The following ITGA11 variants were observed in gnomAD, a reference collection of about 807,000 sequenced individuals.
The protein encoded by ITGA11 is integrin alpha-11.
ITGA11 carries 97 observed loss-of-function variants against 141.9 expected under a neutral mutation model. The observed-to-expected ratio is 0.68, with a 90% CI of 0.58 to 0.81. The LOEUF (loss-of-function observed/expected upper bound fraction) is 0.81, where lower values mean the gene tolerates loss of function less well. Among genes scored for constraint, ITGA11 ranks in the 30% least tolerant of loss-of-function variants. ITGA11 has a pLI of 0.00. For synonymous variants in ITGA11, 658 were observed against 624.6 expected (o/e 1.05, Z -0.80); for missense variants, 1,387 against 1,559.2 (o/e 0.89, Z 1.86).
chr15:68,356,236 C>A (rs1441774161), intron 7 of ITGA11, among the ~76,000 whole-genome samples: 1 of 152,172 alleles, frequency 6.6e-6, no homozygotes. Flanking sequence ...GCTGGGACTA[C>A]AAGCGCATGC....
At chr15:68,364,825 G>A (rs372468326) in intron 3 of ITGA11, 27 bp from the exon 4 acceptor site, 39 of 1,600,728 alleles carry the variant, frequency 2.4e-5, no homozygotes, top group Admixed American at 1.7e-5. Context: ...AGTTCAGCTT[G>A]CAGCCCCCTC....
At chr15:68,344,374 A>T (rs1894673999) in intron 10 of ITGA11, among the ~76,000 whole-genome samples, 1 of 152,172 alleles carries the variant, frequency 6.6e-6, no homozygotes, top group Non-Finnish European at 1.5e-5. Flanking sequence ...TTGTTGAATC[A>T]GATACGCAAA....
intron 2 of ITGA11, among the ~76,000 whole-genome samples, chr15:68,374,612 G>T (rs1168477872): frequency 6.6e-6 from 1 of 152,214 alleles, no homozygotes; most frequent in Non-Finnish European, 1.5e-5. Context: ...GGCTGTGTCT[G>T]TTGAGGCAGG....
chr15:68,314,214 A>ACT (rs148226383), intron 22 of ITGA11, among the ~76,000 whole-genome samples: 14,245 of 152,110 alleles, frequency 0.094, 821 homozygotes, highest in African/African-American at 0.17. Context: ...TGCCTGCTGG[A>ACT]CTCAGGGGCT....
At chr15:68,332,269 C>T (rs920532257) in intron 13 of ITGA11, 69 bp downstream of exon 13, 25 of 1,519,312 alleles carry the variant, frequency 1.6e-5, no homozygotes, top group Admixed American at 2.0e-5. Flanking sequence ...GCATTTCCGT[C>T]GTGGCTACCC....
intron 2 of ITGA11, among the ~76,000 whole-genome samples, chr15:68,371,411 A>G (rs891016409): frequency 6.6e-6 from 1 of 152,260 alleles, no homozygotes; most frequent in African/African-American, 2.4e-5. Context: ...AGCATGTTCT[A>G]GATTAGAAAA....
chr15:68,302,054 C>CTGTGTGTG lies in ITGA11; in HGVS notation c.*1004_*1005insCACACACA, dbSNP rs1567118335. The CTGTGTGTG allele has an allele frequency of 2.0e-5, 1 of 51,230 alleles. No individual in the cohort carries two copies. Among genetic ancestry groups the CTGTGTGTG allele is most frequent in the African/African-American group, 7.2e-5 (1 of 13,868 alleles). 3.2% of individuals were successfully genotyped at this position (51,230 alleles called of 1,614,324 possible). A position where few individuals can be genotyped will look rare whatever the true frequency, so the allele number is the denominator to read the frequency against. On this transcript the variant is annotated 3_prime_UTR_variant, in exon 30 of 30. Transcript: ENST00000315757. ...GCGGGCATGAGGGAAGGATGGGAGG[C>CTGTGTGTG]AGTGTGTGTGTGTGTGTGTGTGTGT...
chr15:68,317,483 C>CA (rs1893629376), intron 20 of ITGA11, 120 bp from the exon 21 acceptor site: 1 of 729,546 alleles, frequency 1.4e-6, no homozygotes, highest in African/African-American at 1.7e-5. Context: ...CCCTGATACC[C>CA]ATATGAAAGC....
At chr15:68,427,142 G>A (rs924252709) in intron 1 of ITGA11, among the ~76,000 whole-genome samples, 1 of 151,878 alleles carries the variant, frequency 6.6e-6, no homozygotes, top group East Asian at 1.9e-4. Flanking sequence ...CCTGGAAATG[G>A]CAGAATTGTA....
intron 3 of ITGA11, 30 bp downstream of exon 3, chr15:68,369,154 C>G (rs1895512233): frequency 6.5e-7 from 1 of 1,530,686 alleles, no homozygotes; most frequent in African/African-American, 1.4e-5. Context: ...CCGCTGGCCT[C>G]ATTGTGAAGA....
At chr15:68,370,896 G>A (rs1310825256) in intron 2 of ITGA11, among the ~76,000 whole-genome samples, 10 of 152,178 alleles carry the variant, frequency 6.6e-5, no homozygotes, top group Non-Finnish European at 1.3e-4. Context: ...TGGCACTTAA[G>A]TGGCTTCTTG....
intron 2 of ITGA11, among the ~76,000 whole-genome samples, chr15:68,371,985 G>C (rs1265802441): frequency 6.6e-6 from 1 of 152,148 alleles, no homozygotes; most frequent in Non-Finnish European, 1.5e-5. Flanking sequence ...TACTTCATGA[G>C]GTAGGAGGGC....
chr15:68,413,058 A>G (rs536282723), intron 1 of ITGA11, among the ~76,000 whole-genome samples: 10 of 152,250 alleles, frequency 6.6e-5, no homozygotes, highest in African/African-American at 2.4e-4. Flanking sequence ...TCTACAGCGA[A>G]TCTCACATTT....
At chr15:68,313,086 C>T (rs1260472820) in intron 23 of ITGA11, among the ~76,000 whole-genome samples, 1 of 152,188 alleles carries the variant, frequency 6.6e-6, no homozygotes, top group African/African-American at 2.4e-5. Flanking sequence ...AGTGGGTGGG[C>T]GTGAGTCAGA....
At chr15:68,426,608 G>A (rs1291177334) in intron 1 of ITGA11, among the ~76,000 whole-genome samples, 2 of 152,170 alleles carry the variant, frequency 1.3e-5, no homozygotes, top group South Asian at 2.1e-4. Context: ...TTTGCATACT[G>A]ATCTCAATTC....
chr15:68,327,801 C>G (rs1894028037), intron 16 of ITGA11, among the ~76,000 whole-genome samples: 1 of 152,200 alleles, frequency 6.6e-6, no homozygotes, highest in Non-Finnish European at 1.5e-5. Flanking sequence ...CCACTTTTCT[C>G]CACTGGCATC....
chr15:68,393,217 CTG>C (rs749273109), intron 2 of ITGA11, among the ~76,000 whole-genome samples: 2 of 152,006 alleles, frequency 1.3e-5, no homozygotes, highest in Admixed American at 6.6e-5. Context: ...GAATAAAAAA[CTG>C]AACAGAAATA....
At chr15:68,375,420 T>C (rs1895703080) in intron 2 of ITGA11, among the ~76,000 whole-genome samples, 1 of 152,220 alleles carries the variant, frequency 6.6e-6, no homozygotes, top group Non-Finnish European at 1.5e-5. Context: ...GTTTGGTGGC[T>C]AATGGGTTCA....
At position 68,350,759 on chromosome 15, in the gene ITGA11, C is replaced by T. The variant is rs1894882785; in HGVS notation, c.918G>A (p.Arg306=). 3 of 1,613,416 alleles carry T rather than the reference C, an allele frequency of 1.9e-6. No individual in the cohort carries two copies. Among genetic ancestry groups the T allele is most frequent in the African/African-American group, 1.3e-5 (1 of 74,894 alleles). ...AVAVLGYYNR[R]GINPETFLNE... ...TTAGAAAAGTTTCTGGATTGATCCC[C>T]CTGCGGTTGTAGTAGCCCAGGACCT... is the stretch of plus-strand genomic sequence containing the variant. Residue 306 remains arginine, a synonymous_variant, in exon 9 of 30, where the codon AGG becomes AGA. Transcript: ENST00000315757.
Sources: allele counts gnomAD v4.1 joint callset (sites outside exome capture counted in the v4.1 genomes callset), GRCh38; gene constraint gnomAD v4.1.1; transcripts MANE v1.5; gene names NCBI Gene and HGNC (gene_info 2026-07-23, HGNC 2026-07-21).